Variants in ARMC7 observed in about 807,000 individuals in gnomAD.
ARMC7 encodes armadillo repeat containing 7.
Under a neutral mutation model 14.8 loss-of-function variants are expected in ARMC7, and 9 were observed. That is an observed-to-expected ratio of 0.61 (90% confidence interval 0.37 to 1.06). The LOEUF (loss-of-function observed/expected upper bound fraction) is 1.06, where lower values mean the gene tolerates loss of function less well. ARMC7 is among the 50% of genes least tolerant of loss of function. The pLI is 0.01. For missense variants in ARMC7, 262 were observed against 267.1 expected (o/e 0.98, Z 0.13); for synonymous variants, 125 against 123.4 (o/e 1.01, Z -0.09).
At position 75,110,587 on chromosome 17, in the gene ARMC7, C is replaced by T; in HGVS notation, c.216C>T (p.Thr72=). 6.2e-7 allele frequency: 1 copy of T among 1,614,212 alleles called. No individual in the cohort carries two copies. The highest frequency in any genetic ancestry group is 8.5e-7 in the Non-Finnish European group (1 of 1,180,034). ...FLDSLSEENE[T]LVEFAIGGLC... Reference sequence around the variant, plus strand: ...ATTCGCTGTCGGAGGAGAATGAGACCCTGGTGGAGTTTGCTATTGGTAAGG... The same window carrying T: ...ATTCGCTGTCGGAGGAGAATGAGACTCTGGTGGAGTTTGCTATTGGTAAGG... Residue 72 remains threonine (T), a synonymous_variant, in exon 2 of 3, where the codon ACC becomes ACT. Coordinates refer to ENST00000245543, the MANE Select transcript of ARMC7 (RefSeq NM_024585.4).
chr17:75,121,317 G>A (rs914229466), intron 2 of ARMC7, among the ~76,000 whole-genome samples: 2 of 152,178 alleles, frequency 1.3e-5, no homozygotes, highest in African/African-American at 2.4e-5. Context: ...GGGTAGATGT[G>A]CGTTTAACGT....
chr17:75,114,785 A>G, intron 2 of ARMC7: 1 of 397,840 alleles, frequency 2.5e-6, no homozygotes, highest in Non-Finnish European at 4.4e-6. Context: ...CCTCCGTGGG[A>G]CCATGTTGCA....
intron 2 of ARMC7, chr17:75,114,634 G>A: frequency 2.5e-6 from 1 of 397,316 alleles, no homozygotes; most frequent in Non-Finnish European, 4.4e-6. Flanking sequence ...GTGTCTCTGT[G>A]CAGGTATTTT....
At chr17:75,116,556 T>G (rs1420879538) in intron 2 of ARMC7, among the ~76,000 whole-genome samples, 1 of 151,704 alleles carries the variant, frequency 6.6e-6, no homozygotes, top group Admixed American at 6.6e-5. Context: ...ACCGAGGAGG[T>G]GGAGGTTGAG....
intron 2 of ARMC7, among the ~76,000 whole-genome samples, chr17:75,123,943 T>A (rs1328217760): frequency 6.6e-6 from 1 of 152,162 alleles, no homozygotes; most frequent in Non-Finnish European, 1.5e-5. Context: ...TGTTTCATCA[T>A]ATGCATGTAC....
chr17:75,114,292 G>C (rs1241993962), intron 2 of ARMC7: 1 of 400,788 alleles, frequency 2.5e-6, no homozygotes, highest in Non-Finnish European at 4.4e-6. Context: ...GGAAGTCACA[G>C]AGCAGTCCCC....
In ARMC7 at chr17:75,125,032, G is replaced by A. The variant is rs139687935; in HGVS notation, c.236-3645G>A. 9.7e-4 allele frequency among the ~76,000 whole-genome samples: 148 copies of A among 152,312 alleles called. 2 individuals carry two copies. The highest frequency in any genetic ancestry group is 3.5e-3 in the African/African-American group (146 of 41,562). On this transcript the variant is annotated intron_variant, in intron 2 of 2. Transcript: ENST00000245543. ...TGGGACTGGCAAGGGAGGCTCCAAG[G>A]GCCCCATGGGGAGAGGCGCTCAGTC... is the stretch of plus-strand genomic sequence containing the variant.
chr17:75,110,128 T>C lies in ARMC7; in HGVS notation c.-161T>C. ...CCATCTCCCATATCCCATTTCCAGCTGCAAATTACTGCAGAATCTGAACCC... is the reference window on the plus strand; with the variant it reads ...CCATCTCCCATATCCCATTTCCAGCCGCAAATTACTGCAGAATCTGAACCC... On this transcript the variant is annotated 5_prime_UTR_variant, in exon 1 of 3. Coordinates refer to ENST00000245543, the MANE Select transcript of ARMC7 (RefSeq NM_024585.4). The C allele has an allele frequency of 1.5e-6, 1 of 663,234 alleles. No homozygotes were observed. The highest frequency in any genetic ancestry group is 1.9e-5 in the South Asian group (1 of 51,670). 41.1% of individuals were successfully genotyped at this position (663,234 alleles called of 1,614,324 possible). A position where few individuals can be genotyped will look rare whatever the true frequency, so the allele number is the denominator to read the frequency against.
At chr17:75,111,843 T>G (rs1472565633) in intron 2 of ARMC7, among the ~76,000 whole-genome samples, 1 of 151,520 alleles carries the variant, frequency 6.6e-6, no homozygotes, top group African/African-American at 2.5e-5. Flanking sequence ...TTAAGACCTA[T>G]TGAGTTATTC....
intron 2 of ARMC7, among the ~76,000 whole-genome samples, chr17:75,117,680 T>G (rs1269786530): frequency 1.3e-5 from 2 of 152,224 alleles, no homozygotes; most frequent in Non-Finnish European, 2.9e-5. Flanking sequence ...AGCTATAACC[T>G]GTGGGCATGT....
intron 2 of ARMC7, among the ~76,000 whole-genome samples, chr17:75,125,944 GT>G (rs2074048374): frequency 6.6e-6 from 1 of 152,228 alleles, no homozygotes; most frequent in Non-Finnish European, 1.5e-5. Context: ...GCCCCAGTCA[GT>G]GGAGGAGGGT....
In ARMC7 at chr17:75,128,678, A is replaced by C. The variant is rs184299476; in HGVS notation, c.237A>C (p.Gly79=). Reference sequence around the variant, plus strand: ...AGACTCTTCCTTGCTCTCCCACAGGAGGCCTGTGCAACCTGTGCCCAGACA... The same window carrying C: ...AGACTCTTCCTTGCTCTCCCACAGGCGGCCTGTGCAACCTGTGCCCAGACA... The part of the protein sequence containing the change: ...ENETLVEFAI[G]GLCNLCPDRA... The change falls in exon 3 of 3, where the codon GGA becomes GGC. Residue 79 remains glycine, a splice_region_variant and synonymous_variant. Transcript: ENST00000245543. 3.0e-4 allele frequency: 486 copies of C among 1,609,904 alleles called. 1 individual carries two copies. The East Asian group carries it at 9.6e-3, about 32-fold the overall frequency.
intron 2 of ARMC7, among the ~76,000 whole-genome samples, chr17:75,121,173 G>C (rs1471103282): frequency 6.6e-6 from 1 of 152,170 alleles, no homozygotes; most frequent in Non-Finnish European, 1.5e-5. Flanking sequence ...GCCACAATTT[G>C]TTCATGCATC....
At chr17:75,125,827 G>A (rs1197605535) in intron 2 of ARMC7, among the ~76,000 whole-genome samples, 4 of 152,164 alleles carry the variant, frequency 2.6e-5, no homozygotes, top group Non-Finnish European at 4.4e-5. Flanking sequence ...CTGGGTGAAA[G>A]AGTGAAACTC....
intron 2 of ARMC7, among the ~76,000 whole-genome samples, chr17:75,125,253 T>C (rs1345820831): frequency 6.6e-6 from 1 of 151,910 alleles, no homozygotes; most frequent in Non-Finnish European, 1.5e-5. Context: ...TTGAACCCTT[T>C]CCCCCCCGGG....
At chr17:75,123,692 C>CTCCCA (rs1369607331) in intron 2 of ARMC7, among the ~76,000 whole-genome samples, 2 of 152,088 alleles carry the variant, frequency 1.3e-5, no homozygotes, top group African/African-American at 4.8e-5. Flanking sequence ...GAGGCCAAGG[C>CTCCCA]ATGAGGTTAG....
chr17:75,114,265 C>T, intron 2 of ARMC7: 1 of 401,134 alleles, frequency 2.5e-6, no homozygotes, highest in Non-Finnish European at 4.4e-6. Flanking sequence ...AGCTGCTGCC[C>T]CTGGAGAAAA....
In ARMC7 at chr17:75,115,200, G is replaced by A. The variant is rs1673376349; in HGVS notation, c.235+4594G>A. Among the ~76,000 whole-genome samples, 7 of 152,128 alleles carry A rather than the reference G, an allele frequency of 4.6e-5. No homozygotes were observed. The South Asian group carries it at 1.4e-3, about 32-fold the overall frequency. On this transcript the variant is annotated intron_variant, in intron 2 of 2. Coordinates refer to ENST00000245543, the MANE Select transcript of ARMC7 (RefSeq NM_024585.4). ...CCCTGAGCAGGGTTGGTTCTGGAAG[G>A]ACTGGCACAGTGGAGAGCTGAGTCA...
chr17:75,110,533 G>A lies in ARMC7; in HGVS notation c.162G>A (p.Arg54=), dbSNP rs1455435717. Residue 54 remains arginine, a synonymous_variant, in exon 2 of 3, where the codon CGG becomes CGA. Transcript: ENST00000245543. ...ACCCCAGCAACTACGAGTATCTGCGGCAGCTGCAGGTCCTGGATTTATTTC... is the reference window on the plus strand; with the variant it reads ...ACCCCAGCAACTACGAGTATCTGCGACAGCTGCAGGTCCTGGATTTATTTC... ...AYDPSNYEYL[R]QLQVLDLFLD... 3 of 1,614,242 alleles carry A rather than the reference G, an allele frequency of 1.9e-6. No homozygotes were observed. Among genetic ancestry groups the A allele is most frequent in the Non-Finnish European group, 2.5e-6 (3 of 1,180,040 alleles).
Sources: gnomAD v4.1 joint callset for allele counts (sites outside exome capture counted in the v4.1 genomes callset) on GRCh38, gnomAD v4.1.1 for gene constraint, MANE v1.5 for transcripts, NCBI Gene and HGNC (gene_info 2026-07-23, HGNC 2026-07-21) for gene names.